ORC1: variants seen among roughly 807,000 people sequenced by gnomAD.
The protein encoded by ORC1 is origin recognition complex subunit 1, also known as origin recognition complex, subunit 1 homolog.
ORC1 carries 61 observed loss-of-function variants against 98.9 expected under a neutral mutation model. The observed-to-expected ratio is 0.62, with a 90% CI of 0.50 to 0.76. ORC1 has a LOEUF of 0.76. Ranked by LOEUF, ORC1 falls within the 30% of genes least tolerant of loss-of-function variation. The pLI is 0.00. For synonymous variants in ORC1, 385 were observed against 406.9 expected (o/e 0.95, Z 0.65); for missense variants, 979 against 1,072.2 (o/e 0.91, Z 1.21).
chr1:52,396,855 C>A (rs1647424821), intron 4 of ORC1, among the ~76,000 whole-genome samples: 1 of 152,148 alleles, frequency 6.6e-6, no homozygotes, highest in Non-Finnish European at 1.5e-5. Context: ...TGTAGCAAGA[C>A]CAAATTACTT....
intron 11 of ORC1, 88 bp from the exon 12 acceptor site, chr1:52,384,025 T>A: frequency 1.9e-6 from 2 of 1,066,372 alleles, no homozygotes. Flanking sequence ...AGGGAGGCAT[T>A]TAACCTGAGG....
chr1:52,396,505 C>T, intron 4 of ORC1, 141 bp from the exon 5 acceptor site: 1 of 892,712 alleles, frequency 1.1e-6, no homozygotes, highest in Non-Finnish European at 1.7e-6. Context: ...GACGCATAGA[C>T]ATGGCATAGC....
intron 5 of ORC1, among the ~76,000 whole-genome samples, chr1:52,394,323 G>A (rs1306853444): frequency 1.3e-5 from 2 of 152,216 alleles, no homozygotes; most frequent in Non-Finnish European, 2.9e-5. Flanking sequence ...GAGGACCACA[G>A]CACCAAGGAC....
chr1:52,388,401 G>A (rs1352286994), intron 8 of ORC1, 41 bp downstream of exon 8: 1 of 1,513,914 alleles, frequency 6.6e-7, no homozygotes, highest in Non-Finnish European at 9.2e-7. Context: ...TAAACTAAGA[G>A]AGGGATGCTT....
chr1:52,407,852 T>C (rs1189334521), upstream of ORC1, among the ~76,000 whole-genome samples: 1 of 152,224 alleles, frequency 6.6e-6, no homozygotes, highest in Non-Finnish European at 1.5e-5. Flanking sequence ...GGTCAGGAGT[T>C]TGAGACTAGC....
At chr1:52,385,740 A>G in intron 9 of ORC1, 112 bp downstream of exon 9, 1 of 766,222 alleles carries the variant, frequency 1.3e-6, no homozygotes, top group Non-Finnish European at 2.3e-6. Context: ...AAGTATAGAC[A>G]CACAGTGTAT....
intron 14 of ORC1, among the ~76,000 whole-genome samples, chr1:52,378,602 TG>T (rs1343057301): frequency 3.3e-5 from 5 of 151,270 alleles, no homozygotes; most frequent in Non-Finnish European, 7.4e-5. Context: ...AGGCGGAGGT[TG>T]CAGTGAGCCA....
intron 6 of ORC1, among the ~76,000 whole-genome samples, chr1:52,389,762 T>C (rs1354284257): frequency 6.6e-6 from 1 of 152,216 alleles, no homozygotes; most frequent in Non-Finnish European, 1.5e-5. Flanking sequence ...ATACTACAAA[T>C]TGTAACTTCT....
Position 52,401,380 on chromosome 1 carries a change from G to T in ORC1, c.205C>A (p.Leu69Ile). The stretch of plus-strand genomic sequence containing the variant: ...AACTCACCATCTTCGAACAACTCAA[G>T]CAATTTAGCAACATACGGGTTTTCA... The part of the protein sequence containing the change: ...DDENPYVAKL[L>I]ELFEDDSDPP... The change falls in exon 3 of 17, where the codon CTT becomes ATT. Residue 69 changes from leucine to isoleucine, a missense_variant. Transcript: ENST00000371568. 1 of 1,613,592 alleles carries T rather than the reference G, an allele frequency of 6.2e-7. No individual in the cohort carries two copies. Among genetic ancestry groups the T allele is most frequent in the Non-Finnish European group, 8.5e-7 (1 of 1,179,944 alleles).
At position 52,383,431 on chromosome 1, in the gene ORC1, A is replaced by G. The variant is rs1647098590; in HGVS notation, c.2002T>C (p.Ser668Pro). ...LPERIMMNRVSSRLGLTRMCF... is the reference protein window; with the variant it reads ...LPERIMMNRVPSRLGLTRMCF... ...GCCCTAGAACCTACCAGTCGGCTGGACACCCGGTTCATCATGATTCGCTCT... is the reference window on the plus strand; with the variant it reads ...GCCCTAGAACCTACCAGTCGGCTGGGCACCCGGTTCATCATGATTCGCTCT... The change falls in exon 13 of 17, where the codon TCC becomes CCC. Residue 668 changes from serine (S) to proline (P), a missense_variant. Physicochemically the swap from Ser to Pro is moderately conservative, Grantham distance 74. Coordinates refer to ENST00000371568, the MANE Select transcript of ORC1 (RefSeq NM_004153.4). 6.2e-7 allele frequency: 1 copy of G among 1,612,586 alleles called. No individual in the cohort carries two copies. The highest frequency in any genetic ancestry group is 1.3e-5 in the African/African-American group (1 of 74,992).
At chr1:52,403,186 C>T (rs954884372) in intron 1 of ORC1, among the ~76,000 whole-genome samples, 1 of 152,218 alleles carries the variant, frequency 6.6e-6, no homozygotes, top group Non-Finnish European at 1.5e-5. Flanking sequence ...AAAATAGAAT[C>T]TTCCGTTTAT....
intron 2 of ORC1, among the ~76,000 whole-genome samples, chr1:52,401,872 A>C (rs1366716189): frequency 6.6e-6 from 1 of 152,228 alleles, no homozygotes; most frequent in Non-Finnish European, 1.5e-5. Flanking sequence ...ATCAAAAGTT[A>C]TATAGAACTC....
At chr1:52,403,637 T>A (rs1315502551) in intron 1 of ORC1, among the ~76,000 whole-genome samples, 1 of 152,172 alleles carries the variant, frequency 6.6e-6, no homozygotes, top group East Asian at 1.9e-4. Context: ...CTTTTCCAAC[T>A]GTCACAGCAG....
intron 6 of ORC1, among the ~76,000 whole-genome samples, chr1:52,391,312 C>CAA (rs57169076): frequency 0.12 from 8,690 of 69,904 alleles, 424 homozygotes; most frequent in East Asian, 0.2. Context: ...GACTCCATCT[C>CAA]AAAAAAAAAA....
rs766620407 is a variant in ORC1 at position 52,396,041 on chromosome 1, C to G, written c.721+5G>C. On this transcript the variant is annotated splice_donor_5th_base_variant and intron_variant, in intron 5 of 16. Transcript: ENST00000371568. ...TTGCCCACGGTGATCCATTCCACAACTTACTGCCAAGCTCCAGCCTCTTTC... is the reference window on the plus strand; with the variant it reads ...TTGCCCACGGTGATCCATTCCACAAGTTACTGCCAAGCTCCAGCCTCTTTC... 2 of 1,614,178 alleles carry G rather than the reference C, an allele frequency of 1.2e-6. No individual in the cohort carries two copies. The highest frequency in any genetic ancestry group is 1.7e-6 in the Non-Finnish European group (2 of 1,180,020).
rs983776269 is a variant in ORC1, at chr1:52,402,240, T to A, written c.-5-12A>T. ...GTGTGCCATGGCTTCTGTGGAAGAG[T>A]CCAAACTCTGAGTTACCATGATAAA... On this transcript the variant is annotated splice_polypyrimidine_tract_variant and intron_variant, in intron 1 of 16. Coordinates refer to ENST00000371568, the MANE Select transcript of ORC1 (RefSeq NM_004153.4). 1.9e-6 allele frequency: 3 copies of A among 1,591,790 alleles called. No individual in the cohort carries two copies. The highest frequency in any genetic ancestry group is 2.6e-6 in the Non-Finnish European group (3 of 1,159,700).
intron 14 of ORC1, among the ~76,000 whole-genome samples, chr1:52,376,119 C>A (rs1251168261): frequency 6.6e-6 from 1 of 152,192 alleles, no homozygotes; most frequent in Non-Finnish European, 1.5e-5. Context: ...CACCTATAAT[C>A]CCAGAACTTT....
intron 10 of ORC1, 82 bp from the exon 11 acceptor site, chr1:52,384,803 T>C (rs1301338635): frequency 7.2e-6 from 9 of 1,255,514 alleles, no homozygotes; most frequent in East Asian, 2.5e-5. Context: ...TGGGAATGTA[T>C]ACTGAGGGAA....
upstream of ORC1, chr1:52,405,891 G>A (rs777548186): frequency 7.2e-6 from 11 of 1,530,168 alleles, no homozygotes; most frequent in African/African-American, 1.4e-4. Flanking sequence ...TGGCGGTTTA[G>A]AATTGGGCTT....
Sources: gnomAD v4.1 joint callset for allele counts (sites outside exome capture counted in the v4.1 genomes callset) on GRCh38, gnomAD v4.1.1 for gene constraint, MANE v1.5 for transcripts, NCBI Gene and HGNC (gene_info 2026-07-23, HGNC 2026-07-21) for gene names.